The following CBLB variants were observed in gnomAD, a reference collection of about 807,000 sequenced individuals.
The protein encoded by CBLB is Cbl proto-oncogene B.
Under a neutral mutation model 104.9 loss-of-function variants are expected in CBLB, and 31 were observed. The ratio of observed to expected loss-of-function variants is 0.30; its 90% CI spans 0.22 to 0.40. The LOEUF (loss-of-function observed/expected upper bound fraction) is 0.40. CBLB is among the 10% of genes least tolerant of loss of function. CBLB has a pLI of 1.00. For synonymous variants in CBLB, 440 were observed against 422.6 expected (o/e 1.04, Z -0.51); for missense variants, 1,062 against 1,214.6 (o/e 0.87, Z 1.87).
At chr3:105,659,962 A>G (rs1268346350) in intron 18 of CBLB, among the ~76,000 whole-genome samples, 4 of 152,174 alleles carry the variant, frequency 2.6e-5, no homozygotes, top group African/African-American at 4.8e-5. Flanking sequence ...TAGAAGAAAT[A>G]TTAGGAGTAG....
At position 105,868,971 on chromosome 3, in the gene CBLB, G is replaced by A; in HGVS notation, c.-250C>T. 4.9e-6 allele frequency: 5 copies of A among 1,020,290 alleles called. No individual in the cohort carries two copies. The highest frequency in any genetic ancestry group is 5.9e-6 in the Non-Finnish European group (5 of 852,634). 63.2% of individuals were successfully genotyped at this position (1,020,290 alleles called of 1,614,324 possible). A position where few individuals can be genotyped will look rare whatever the true frequency, so the allele number is the denominator to read the frequency against. ...GCCCGACTCGGGGAGGCCGCGGGAC[G>A]CCGCAGCAGCACTAGCAGGAGGAGG... On this transcript the variant is annotated 5_prime_UTR_variant, in exon 1 of 19. Coordinates refer to ENST00000394030, the MANE Select transcript of CBLB (RefSeq NM_170662.5).
At chr3:105,794,246 A>C (rs2082008739) in intron 3 of CBLB, among the ~76,000 whole-genome samples, 1 of 152,230 alleles carries the variant, frequency 6.6e-6, no homozygotes, top group Non-Finnish European at 1.5e-5. Flanking sequence ...TACCATGTAA[A>C]GAAAAAAACT....
chr3:105,780,156 T>C (rs1288827953), intron 3 of CBLB, among the ~76,000 whole-genome samples: 1 of 150,778 alleles, frequency 6.6e-6, no homozygotes, highest in Non-Finnish European at 1.5e-5. Flanking sequence ...CCCAGCCTAA[T>C]ACCCATTTAA....
rs1322998760 is a variant in CBLB at position 105,776,459 on chromosome 3, C to G, written c.503G>C (p.Gly168Ala). 6.2e-7 allele frequency: 1 copy of G among 1,613,756 alleles called. No homozygotes were observed. The highest frequency in any genetic ancestry group is 8.5e-7 in the Non-Finnish European group (1 of 1,179,846). The stretch of plus-strand genomic sequence containing the variant: ...TGCTTTTGTGATACGAAAGTTATCT[C>G]CCTGGAATTGACCATTGGGAAAGAT... ...KAIFPNGQFQ[G>A]DNFRITKADA... Residue 168 changes from glycine (G) to alanine (A), a missense_variant, in exon 4 of 19, where the codon GGA becomes GCA. By Grantham distance (60) the Gly-to-Ala change is moderately conservative. Coordinates refer to ENST00000394030, the MANE Select transcript of CBLB (RefSeq NM_170662.5).
At chr3:105,772,057 A>G (rs1215935101) in intron 4 of CBLB, among the ~76,000 whole-genome samples, 1 of 150,516 alleles carries the variant, frequency 6.6e-6, no homozygotes, top group Non-Finnish European at 1.5e-5. Context: ...AAAAGAGACC[A>G]TATCACCAAA....
chr3:105,826,398 T>G (rs1371187920), intron 3 of CBLB, among the ~76,000 whole-genome samples: 1 of 152,188 alleles, frequency 6.6e-6, no homozygotes, highest in Admixed American at 6.5e-5. Flanking sequence ...AGCTTTTTGG[T>G]ATAAAATCCA....
At chr3:105,869,034 C>T (rs1333769611), upstream of CBLB, 4 of 1,105,298 alleles carry the variant, frequency 3.6e-6, no homozygotes, top group Non-Finnish European at 3.3e-6. Context: ...GTGGCACACA[C>T]AGGACCCAGG....
At chr3:105,680,537 G>C (rs1299875128) in intron 16 of CBLB, among the ~76,000 whole-genome samples, 1 of 152,200 alleles carries the variant, frequency 6.6e-6, no homozygotes, top group Non-Finnish European at 1.5e-5. Context: ...GGAAGGGAGA[G>C]AAAGACTGTA....
In CBLB at chr3:105,794,760, A is replaced by T. The variant is rs927237212; in HGVS notation, c.420-18218T>A. Among the ~76,000 whole-genome samples the T allele has an allele frequency of 7.9e-5, 12 of 152,214 alleles. No individual in the cohort carries two copies. The South Asian group carries it at 1.7e-3, about 21-fold the overall frequency. On this transcript the variant is annotated intron_variant, in intron 3 of 18. Transcript: ENST00000394030. ...AATGTTAATAACAGATACCACATAA[A>T]TACATAAAACTACATTTAAAAATAT...
chr3:105,868,851 G>A lies in CBLB; in HGVS notation c.-130C>T. 1 of 1,007,660 alleles carries A rather than the reference G, an allele frequency of 9.9e-7. No individual in the cohort carries two copies. The highest frequency in any genetic ancestry group is 4.1e-5 in the South Asian group (1 of 24,626). 62.4% of individuals were successfully genotyped at this position (1,007,660 alleles called of 1,614,324 possible). ...GGAGTGGGATCGCTGAGAACAGCTC[G>A]CTCCCGAAGAAGGAGCAACCCAGCG... On this transcript the variant is annotated 5_prime_UTR_variant, in exon 1 of 19. Transcript: ENST00000394030.
chr3:105,663,814 A>C (rs1179012782), intron 18 of CBLB, among the ~76,000 whole-genome samples: 1 of 151,986 alleles, frequency 6.6e-6, no homozygotes, highest in Non-Finnish European at 1.5e-5. Context: ...CCAAAGAGCC[A>C]TGGTACATAG....
chr3:105,753,716 G>GT (rs900821455), intron 4 of CBLB, among the ~76,000 whole-genome samples: 3 of 152,002 alleles, frequency 2.0e-5, no homozygotes, highest in Non-Finnish European at 2.9e-5. Context: ...AACATATAAA[G>GT]TTTTTTTAAA....
chr3:105,687,816 G>GA (rs146313223), intron 13 of CBLB, among the ~76,000 whole-genome samples: 13,217 of 145,268 alleles, frequency 0.091, 777 homozygotes, highest in East Asian at 0.24. Flanking sequence ...ATCCAGTTCT[G>GA]AAAAAAAAAA....
At chr3:105,720,964 A>T (rs987808460) in intron 9 of CBLB, among the ~76,000 whole-genome samples, 1 of 152,216 alleles carries the variant, frequency 6.6e-6, no homozygotes, top group Admixed American at 6.5e-5. Context: ...TCATTATTGG[A>T]TGTTTTGCTC....
chr3:105,667,306 T>TAC (rs2064573898), intron 18 of CBLB, among the ~76,000 whole-genome samples: 1 of 152,156 alleles, frequency 6.6e-6, no homozygotes, highest in South Asian at 2.1e-4. Flanking sequence ...TACAGCCTTT[T>TAC]AGTTTTCAAA....
At chr3:105,742,228 T>A (rs1201293977) in intron 6 of CBLB, among the ~76,000 whole-genome samples, 1 of 152,238 alleles carries the variant, frequency 6.6e-6, no homozygotes, top group East Asian at 1.9e-4. Flanking sequence ...GCTGTATGTA[T>A]GTGGCAGACA....
chr3:105,782,174 C>T (rs1461869206), intron 3 of CBLB, among the ~76,000 whole-genome samples: 1 of 152,142 alleles, frequency 6.6e-6, no homozygotes, highest in Non-Finnish European at 1.5e-5. Context: ...AAAACTGGAT[C>T]CTTACCCATT....
intron 9 of CBLB, among the ~76,000 whole-genome samples, chr3:105,733,715 T>C (rs911105410): frequency 6.6e-6 from 1 of 152,146 alleles, no homozygotes; most frequent in Admixed American, 6.5e-5. Context: ...GACCTATCAA[T>C]AAATGGCATA....
At chr3:105,684,552 A>G (rs2066759688) in intron 14 of CBLB, among the ~76,000 whole-genome samples, 1 of 96,834 alleles carries the variant, frequency 1.0e-5, no homozygotes, top group African/African-American at 4.0e-5. Context: ...ATTATTCCAC[A>G]CATTCTTTTT....
Sources: gnomAD v4.1 joint callset for allele counts (sites outside exome capture counted in the v4.1 genomes callset) on GRCh38, gnomAD v4.1.1 for gene constraint, MANE v1.5 for transcripts, NCBI Gene and HGNC (gene_info 2026-07-23, HGNC 2026-07-21) for gene names.